The following JAZF1 variants were observed in gnomAD, a reference collection of about 807,000 sequenced individuals.
The protein encoded by JAZF1 is JAZF zinc finger 1.
Under a neutral mutation model 26.4 loss-of-function variants are expected in JAZF1, and 8 were observed. The ratio of observed to expected loss-of-function variants is 0.30; its 90% CI spans 0.18 to 0.55. The LOEUF is 0.55. JAZF1 is among the 20% of genes least tolerant of loss of function. JAZF1 has a pLI of 0.94. For missense variants in JAZF1, 199 were observed against 322.0 expected (o/e 0.62, Z 2.92); for synonymous variants, 126 against 122.3 (o/e 1.03, Z -0.20).
At chr7:27,942,978 T>C (rs547903247) in intron 2 of JAZF1, among the ~76,000 whole-genome samples, 2 of 152,194 alleles carry the variant, frequency 1.3e-5, no homozygotes, top group South Asian at 2.1e-4. Flanking sequence ...TGGTAATTTA[T>C]GGGGCACAAA....
In JAZF1 at chr7:28,158,162, C is replaced by CAA. The variant is rs1583590734; in HGVS notation, c.115+22300_115+22301insTT. On this transcript the variant is annotated intron_variant, in intron 1 of 4. Transcript: ENST00000283928. ...GAAAACACGCGCGCACACACACACACACACAAACACACACACACACACACA... is the reference window on the plus strand; with the variant it reads ...GAAAACACGCGCGCACACACACACACAAACACAAACACACACACACACACACA... 1.5e-4 allele frequency among the ~76,000 whole-genome samples: 12 copies of CAA among 82,282 alleles called. No individual in the cohort carries two copies. The East Asian group carries it at 4.4e-3, about 30-fold the overall frequency. 54.0% of individuals were successfully genotyped at this position (82,282 alleles called of 152,430 possible).
intron 1 of JAZF1, among the ~76,000 whole-genome samples, chr7:28,143,787 AC>A (rs1285445552): frequency 2.0e-5 from 3 of 152,170 alleles, no homozygotes; most frequent in Non-Finnish European, 4.4e-5. Context: ...GGGTCCTTTT[AC>A]GGATAATATC....
chr7:28,157,753 C>T (rs1474958731), intron 1 of JAZF1, among the ~76,000 whole-genome samples: 1 of 152,168 alleles, frequency 6.6e-6, no homozygotes, highest in Non-Finnish European at 1.5e-5. Context: ...TTCAGGGTCC[C>T]TGTTAATGAA....
chr7:28,139,384 A>AG (rs918030291), intron 1 of JAZF1, among the ~76,000 whole-genome samples: 2 of 152,202 alleles, frequency 1.3e-5, no homozygotes, highest in African/African-American at 4.8e-5. Context: ...ATTTGGAAAA[A>AG]GGGTCATTGC....
chr7:28,178,482 C>T (rs1050336468), intron 1 of JAZF1, among the ~76,000 whole-genome samples: 1 of 152,030 alleles, frequency 6.6e-6, no homozygotes, highest in African/African-American at 2.4e-5. Context: ...CAATGACAGC[C>T]TTCTGTAAGT....
intron 1 of JAZF1, among the ~76,000 whole-genome samples, chr7:28,046,287 A>G (rs912398891): frequency 5.3e-5 from 8 of 152,228 alleles, no homozygotes; most frequent in Admixed American, 3.3e-4. Flanking sequence ...AAGGTCAACC[A>G]GCTGGTAGAT....
intron 1 of JAZF1, among the ~76,000 whole-genome samples, chr7:28,133,919 T>C (rs1583578186): frequency 6.6e-6 from 1 of 152,224 alleles, no homozygotes; most frequent in African/African-American, 2.4e-5. Flanking sequence ...CCAAAACTCA[T>C]ACATAATGAC....
rs988242891 is a variant in JAZF1 at position 27,949,395 on chromosome 7, T to G, written c.188+42514A>C. Among the ~76,000 whole-genome samples the G allele has an allele frequency of 3.3e-5, 5 of 152,162 alleles. No individual in the cohort carries two copies. In the East Asian group the frequency reaches 9.6e-4, roughly 29 times the overall value. On this transcript the variant is annotated intron_variant, in intron 2 of 4. Transcript: ENST00000283928. ...GTGGAGGTCCCCACACTGTCAGCCT[T>G]TAGAGTGCATGTGTAGTTCCAGGAC...
intron 1 of JAZF1, among the ~76,000 whole-genome samples, chr7:28,088,806 G>A (rs1784248690): frequency 6.6e-6 from 1 of 152,142 alleles, no homozygotes. Flanking sequence ...ATTGTTTTAA[G>A]CAGGGATGGA....
At chr7:28,015,967 A>C (rs1017276809) in intron 1 of JAZF1, among the ~76,000 whole-genome samples, 2 of 152,130 alleles carry the variant, frequency 1.3e-5, no homozygotes, top group Non-Finnish European at 2.9e-5. Context: ...TCATGCTTAT[A>C]ACCCCACAGG....
At chr7:28,082,679 G>A (rs1172738207) in intron 1 of JAZF1, among the ~76,000 whole-genome samples, 1 of 152,030 alleles carries the variant, frequency 6.6e-6, no homozygotes, top group African/African-American at 2.4e-5. Flanking sequence ...AGACACCCAT[G>A]AGCCATCCTT....
chr7:27,937,172 A>C (rs1784774626), intron 2 of JAZF1, among the ~76,000 whole-genome samples: 1 of 152,170 alleles, frequency 6.6e-6, no homozygotes, highest in Admixed American at 6.5e-5. Flanking sequence ...TACAAACCAA[A>C]GAGATTTGTG....
At chr7:27,891,033 G>T (rs958606932) in intron 3 of JAZF1, among the ~76,000 whole-genome samples, 5 of 151,626 alleles carry the variant, frequency 3.3e-5, no homozygotes, top group African/African-American at 9.7e-5. Flanking sequence ...CAAGTGATTC[G>T]CCTGCCTCTG....
chr7:28,158,126 G>A lies in JAZF1; in HGVS notation c.115+22337C>T, dbSNP rs926051456. 3.3e-5 allele frequency among the ~76,000 whole-genome samples: 5 copies of A among 150,954 alleles called. No individual in the cohort carries two copies. The East Asian group carries it at 7.8e-4, about 24-fold the overall frequency. On this transcript the variant is annotated intron_variant, in intron 1 of 4. Transcript: ENST00000283928. ...AGGCACTCTGGGCCTAGGGAGAAAG[G>A]AGACCACATTGAAAACACGCGCGCA...
intron 1 of JAZF1, among the ~76,000 whole-genome samples, chr7:28,117,276 C>T (rs986892329): frequency 5.3e-5 from 8 of 151,940 alleles, no homozygotes; most frequent in African/African-American, 1.5e-4. Flanking sequence ...TTCTGATTCA[C>T]GGTTAAAAAG....
chr7:27,914,410 C>T (rs1784411400), intron 2 of JAZF1, among the ~76,000 whole-genome samples: 1 of 152,144 alleles, frequency 6.6e-6, no homozygotes. Context: ...AAGCAGAAGA[C>T]CACTGTGTAT....
chr7:28,017,728 A>C (rs1011301042), intron 1 of JAZF1, among the ~76,000 whole-genome samples: 6 of 152,214 alleles, frequency 3.9e-5, no homozygotes, highest in African/African-American at 1.2e-4. Context: ...TTTTGGTGAA[A>C]AAGACCAGCA....
chr7:27,940,735 T>C (rs1784834562), intron 2 of JAZF1, among the ~76,000 whole-genome samples: 1 of 152,192 alleles, frequency 6.6e-6, no homozygotes, highest in African/African-American at 2.4e-5. Flanking sequence ...AAATTAATTT[T>C]CCATTAAAAT....
chr7:28,118,800 C>T (rs1471839089), intron 1 of JAZF1, among the ~76,000 whole-genome samples: 1 of 151,950 alleles, frequency 6.6e-6, no homozygotes, highest in African/African-American at 2.4e-5. Flanking sequence ...ACAACACACA[C>T]ACACACAGAG....
Sources: allele counts gnomAD v4.1 joint callset (sites outside exome capture counted in the v4.1 genomes callset), GRCh38; gene constraint gnomAD v4.1.1; transcripts MANE v1.5; gene names NCBI Gene and HGNC (gene_info 2026-07-23, HGNC 2026-07-21).